BCAR3: variants seen among roughly 807,000 people sequenced by gnomAD.
The protein encoded by BCAR3 is BCAR3 adaptor protein, NSP family member.
Under a neutral mutation model 80.1 loss-of-function variants are expected in BCAR3, and 37 were observed. That is an observed-to-expected ratio of 0.46 (90% CI 0.36 to 0.61). The LOEUF (loss-of-function observed/expected upper bound fraction) is 0.61. Among genes scored for constraint, BCAR3 ranks in the 20% least tolerant of loss-of-function variants. The probability of loss-of-function intolerance (pLI) is 0.00; values close to 1 mark genes in which losing one functional copy is unlikely to be tolerated. For missense variants in BCAR3, 978 were observed against 1,068.2 expected (o/e 0.92, Z 1.18); for synonymous variants, 389 against 418.9 (o/e 0.93, Z 0.87).
chr1:93,772,927 A>C (rs906094536), intron 2 of BCAR3, among the ~76,000 whole-genome samples: 1 of 152,028 alleles, frequency 6.6e-6, no homozygotes, highest in Non-Finnish European at 1.5e-5. Context: ...TTTTTACTTA[A>C]GGGGAAGTAC....
At chr1:93,630,252 T>G (rs905099982) in intron 3 of BCAR3, among the ~76,000 whole-genome samples, 1 of 152,168 alleles carries the variant, frequency 6.6e-6, no homozygotes, top group African/African-American at 2.4e-5. Context: ...GCATCTGGTG[T>G]GGGTGCTCAC....
chr1:93,731,318 A>C (rs111903235), intron 2 of BCAR3, among the ~76,000 whole-genome samples: 1 of 152,256 alleles, frequency 6.6e-6, no homozygotes, highest in South Asian at 2.1e-4. Context: ...AATTGTGACA[A>C]ATATTCCATG....
chr1:93,732,034 G>A (rs1414068065), intron 2 of BCAR3, among the ~76,000 whole-genome samples: 1 of 152,336 alleles, frequency 6.6e-6, no homozygotes, highest in South Asian at 2.1e-4. Context: ...ACAGCTGACT[G>A]TCCATGTCTG....
intron 2 of BCAR3, among the ~76,000 whole-genome samples, chr1:93,709,552 G>T (rs1649947267): frequency 6.6e-6 from 1 of 152,186 alleles, no homozygotes. Flanking sequence ...TAGTGTGGGT[G>T]ACCCTGTATA....
At chr1:93,566,797 G>A (rs1047448709) in intron 11 of BCAR3, among the ~76,000 whole-genome samples, 2 of 152,126 alleles carry the variant, frequency 1.3e-5, no homozygotes, top group Non-Finnish European at 2.9e-5. Flanking sequence ...GTGCGATCTC[G>A]GCTCACTGCA....
chr1:93,625,807 C>G (rs973419786), intron 3 of BCAR3, among the ~76,000 whole-genome samples: 3 of 152,146 alleles, frequency 2.0e-5, no homozygotes, highest in Non-Finnish European at 4.4e-5. Flanking sequence ...GGAGCTCAGC[C>G]AGCAAATCCA....
chr1:93,638,139 C>T (rs1675853598), intron 3 of BCAR3, among the ~76,000 whole-genome samples: 1 of 152,204 alleles, frequency 6.6e-6, no homozygotes, highest in Non-Finnish European at 1.5e-5. Context: ...GTTCCAGCTA[C>T]TCGGGAGGCT....
rs1255250420 is a variant in BCAR3 at position 93,561,912 on chromosome 1, A to G, written c.*329T>C. 7 of 192,446 alleles carry G rather than the reference A, an allele frequency of 3.6e-5. No homozygotes were observed. The highest frequency in any genetic ancestry group is 1.2e-4 in the Admixed American group (2 of 17,046). 11.9% of individuals were successfully genotyped at this position (192,446 alleles called of 1,614,324 possible). ...CTTTTAAACTCTTCTATTTACACTT[A>G]TCTGACATGGAATTAAAACTAAAAT... On this transcript the variant is annotated 3_prime_UTR_variant, in exon 12 of 12. Coordinates refer to ENST00000260502, the MANE Select transcript of BCAR3 (RefSeq NM_003567.4).
chr1:93,642,472 T>TCACCACACA, intron 2 of BCAR3, 129 bp from the exon 3 acceptor site: 1 of 849,850 alleles, frequency 1.2e-6, no homozygotes, highest in Non-Finnish European at 1.9e-6. Flanking sequence ...CCAGGCAGTA[T>TCACCACACA]TCACAACAGG....
chr1:93,654,908 T>C (rs1038702292), intron 2 of BCAR3, among the ~76,000 whole-genome samples: 7 of 152,194 alleles, frequency 4.6e-5, no homozygotes, highest in African/African-American at 1.7e-4. Context: ...CCATCATACC[T>C]GATATTATAG....
At chr1:93,569,215 A>C (rs1673103743) in intron 9 of BCAR3, among the ~76,000 whole-genome samples, 3 of 152,232 alleles carry the variant, frequency 2.0e-5, no homozygotes, top group Admixed American at 2.0e-4. Context: ...AATTTCATTT[A>C]ATCTTCACAA....
chr1:93,587,146 GATT>G (rs1403748558), intron 5 of BCAR3, among the ~76,000 whole-genome samples: 1 of 152,144 alleles, frequency 6.6e-6, no homozygotes, highest in Non-Finnish European at 1.5e-5. Context: ...TTAAAAATCA[GATT>G]ATTAGAGTTT....
chr1:93,745,558 G>A (rs1651324731), intron 2 of BCAR3, among the ~76,000 whole-genome samples: 1 of 152,058 alleles, frequency 6.6e-6, no homozygotes, highest in Non-Finnish European at 1.5e-5. Flanking sequence ...TCTATCACCA[G>A]CACAATCAAA....
intron 2 of BCAR3, among the ~76,000 whole-genome samples, chr1:93,827,141 A>C (rs547922348): frequency 6.6e-6 from 1 of 152,296 alleles, no homozygotes; most frequent in African/African-American, 2.4e-5. Context: ...AAAACACTTT[A>C]ACTAGAGAAA....
intron 2 of BCAR3, among the ~76,000 whole-genome samples, chr1:93,647,523 G>C (rs1363476924): frequency 6.6e-6 from 1 of 152,174 alleles, no homozygotes; most frequent in African/African-American, 2.4e-5. Context: ...GTGGCTAGCA[G>C]CTAGCATGAC....
chr1:93,837,167 A>T (rs181070687), intron 2 of BCAR3, among the ~76,000 whole-genome samples: 20 of 152,328 alleles, frequency 1.3e-4, no homozygotes, highest in African/African-American at 4.8e-4. Flanking sequence ...CAGTGAGCTG[A>T]GACTGTGCCA....
chr1:93,699,109 A>G (rs1472748222), intron 3 of BCAR3, among the ~76,000 whole-genome samples: 1 of 152,196 alleles, frequency 6.6e-6, no homozygotes, highest in African/African-American at 2.4e-5. Flanking sequence ...ACCCTGTAAA[A>G]CAAGTATCAT....
At chr1:93,821,758 A>C (rs550547879) in intron 2 of BCAR3, among the ~76,000 whole-genome samples, 1 of 152,330 alleles carries the variant, frequency 6.6e-6, no homozygotes, top group Non-Finnish European at 1.5e-5. Flanking sequence ...AGCATACCTT[A>C]TAATCATCAC....
At chr1:93,846,948 C>G (rs773673590) in intron 1 of BCAR3, 2 of 415,098 alleles carry the variant, frequency 4.8e-6, no homozygotes, top group South Asian at 3.3e-5. Context: ...CAAATAAACA[C>G]GCACAAGCAC....
Sources: gnomAD v4.1 joint callset for allele counts (sites outside exome capture counted in the v4.1 genomes callset) on GRCh38, gnomAD v4.1.1 for gene constraint, MANE v1.5 for transcripts, NCBI Gene and HGNC (gene_info 2026-07-23, HGNC 2026-07-21) for gene names.